Variants in PDE7A observed in about 807,000 individuals in gnomAD.
PDE7A encodes high affinity 3',5'-cyclic-AMP phosphodiesterase 7A.
A neutral mutation model predicts 64.3 loss-of-function variants in PDE7A; 39 were observed. The ratio of observed to expected loss-of-function variants is 0.61; its 90% CI spans 0.47 to 0.79. The LOEUF is 0.79. Among genes scored for constraint, PDE7A ranks in the 30% least tolerant of loss-of-function variants. PDE7A has a pLI of 0.00. For missense variants in PDE7A, 470 were observed against 582.8 expected (o/e 0.81, Z 1.99); for synonymous variants, 203 against 206.8 (o/e 0.98, Z 0.16).
chr8:65,769,298 A>T (rs544862436), intron 3 of PDE7A, among the ~76,000 whole-genome samples: 6 of 150,834 alleles, frequency 4.0e-5, no homozygotes, highest in Non-Finnish European at 8.9e-5. Context: ...TATTTTTTTT[A>T]AAAAATTGTT....
chr8:65,757,714 G>A (rs1163428662), intron 3 of PDE7A, among the ~76,000 whole-genome samples: 2 of 152,154 alleles, frequency 1.3e-5, no homozygotes, highest in Non-Finnish European at 2.9e-5. Flanking sequence ...TGCTTCCCGG[G>A]TCCAAGTGAT....
intron 1 of PDE7A, 74 bp downstream of exon 1, chr8:65,841,297 G>A (rs1011282671): frequency 1.4e-6 from 2 of 1,395,976 alleles, no homozygotes; most frequent in South Asian, 1.7e-5. Flanking sequence ...GGGTTGTAGA[G>A]GAGGTGAAGC....
intron 3 of PDE7A, among the ~76,000 whole-genome samples, chr8:65,775,603 A>G (rs1358552357): frequency 6.6e-6 from 1 of 152,178 alleles, no homozygotes; most frequent in Non-Finnish European, 1.5e-5. Context: ...CAGTGATCCT[A>G]CGTCCTCTGT....
intron 1 of PDE7A, among the ~76,000 whole-genome samples, chr8:65,818,964 G>A (rs1308489515): frequency 6.6e-6 from 1 of 152,168 alleles, no homozygotes; most frequent in Non-Finnish European, 1.5e-5. Flanking sequence ...GCAGAATTGG[G>A]GGAATGTGAG....
chr8:65,808,425 A>C (rs1486717941), intron 1 of PDE7A, among the ~76,000 whole-genome samples: 1 of 152,224 alleles, frequency 6.6e-6, no homozygotes, highest in African/African-American at 2.4e-5. Flanking sequence ...ATTTATTTCT[A>C]TAAAAGAATA....
chr8:65,720,556 T>C (rs2129063607), intron 12 of PDE7A: 1 of 154,302 alleles, frequency 6.5e-6, no homozygotes, highest in South Asian at 2.0e-4. Context: ...TTTAAGTGTA[T>C]ATAATTATGG....
chr8:65,750,689 T>C (rs1807905453), intron 3 of PDE7A, among the ~76,000 whole-genome samples: 2 of 152,200 alleles, frequency 1.3e-5, no homozygotes. Context: ...TGGTACTGTC[T>C]GGGAGCCAAG....
intron 9 of PDE7A, among the ~76,000 whole-genome samples, chr8:65,726,634 A>G (rs1359519001): frequency 1.3e-5 from 2 of 152,152 alleles, no homozygotes; most frequent in Admixed American, 1.3e-4. Context: ...ATTTGAGTAA[A>G]TTTTATAGTA....
At chr8:65,840,889 T>G (rs1353560108) in intron 1 of PDE7A, among the ~76,000 whole-genome samples, 1 of 152,252 alleles carries the variant, frequency 6.6e-6, no homozygotes, top group African/African-American at 2.4e-5. Flanking sequence ...CTAGGCCTAT[T>G]GTTCAGAGGG....
At chr8:65,755,883 G>A (rs913073828) in intron 3 of PDE7A, among the ~76,000 whole-genome samples, 1 of 152,138 alleles carries the variant, frequency 6.6e-6, no homozygotes, top group Non-Finnish European at 1.5e-5. Context: ...CTAGCCTCCT[G>A]AGTAGCTAGG....
At chr8:65,724,219 T>G in intron 11 of PDE7A, 36 bp downstream of exon 11, 1 of 1,314,470 alleles carries the variant, frequency 7.6e-7, no homozygotes, top group Admixed American at 1.7e-5. Flanking sequence ...AAAAATGAAC[T>G]GGATAGATTA....
At chr8:65,821,757 T>C (rs1810546717) in intron 1 of PDE7A, among the ~76,000 whole-genome samples, 1 of 152,246 alleles carries the variant, frequency 6.6e-6, no homozygotes, top group Admixed American at 6.5e-5. Context: ...TGAAGACTTA[T>C]TATCTAAAAA....
chr8:65,812,575 C>T (rs367940844), intron 1 of PDE7A, among the ~76,000 whole-genome samples: 9 of 152,142 alleles, frequency 5.9e-5, no homozygotes, highest in South Asian at 4.1e-4. Context: ...AAAAATGACA[C>T]ATTTAATTAA....
intron 3 of PDE7A, among the ~76,000 whole-genome samples, chr8:65,761,758 G>C (rs1397082940): frequency 1.3e-5 from 2 of 152,134 alleles, no homozygotes; most frequent in Non-Finnish European, 2.9e-5. Flanking sequence ...ACAAAAAGTG[G>C]GATAGCAGAC....
At chr8:65,739,373 T>G in intron 6 of PDE7A, 129 bp downstream of exon 6, 1 of 1,049,780 alleles carries the variant, frequency 9.5e-7, no homozygotes, top group Non-Finnish European at 1.3e-6. Context: ...AACTGTGTGT[T>G]GTTTTAAGCC....
chr8:65,720,791 C>T (rs948137427), intron 12 of PDE7A, among the ~76,000 whole-genome samples: 2 of 152,172 alleles, frequency 1.3e-5, no homozygotes, highest in African/African-American at 4.8e-5. Flanking sequence ...TCATTATAGT[C>T]AAAGCACACA....
At chr8:65,720,841 T>C (rs1308958562) in intron 12 of PDE7A, among the ~76,000 whole-genome samples, 1 of 152,208 alleles carries the variant, frequency 6.6e-6, no homozygotes, top group Non-Finnish European at 1.5e-5. Flanking sequence ...CAGTGTTATG[T>C]TGAGCCAGCC....
intron 4 of PDE7A, among the ~76,000 whole-genome samples, chr8:65,746,796 C>T (rs989812956): frequency 1.3e-5 from 2 of 152,082 alleles, no homozygotes; most frequent in African/African-American, 4.8e-5. Context: ...CAGGCATGAA[C>T]GCTTTCCACT....
Position 65,762,480 on chromosome 8 carries a change from C to T in PDE7A, c.284-14677G>A, listed in dbSNP as rs527678687. 2.6e-4 allele frequency among the ~76,000 whole-genome samples: 40 copies of T among 152,296 alleles called. No individual in the cohort carries two copies. The South Asian group carries it at 8.3e-3, about 32-fold the overall frequency. On this transcript the variant is annotated intron_variant, in intron 3 of 12. Transcript: ENST00000401827. ...ACAGGGGCTTAGGAATTAGACACAT[C>T]TGAGTTTGAATCCCAATTCTGCCAC...
Sources: gnomAD v4.1 joint callset for allele counts (sites outside exome capture counted in the v4.1 genomes callset) on GRCh38, gnomAD v4.1.1 for gene constraint, MANE v1.5 for transcripts, NCBI Gene and HGNC (gene_info 2026-07-23, HGNC 2026-07-21) for gene names.